The following LINGO2 variants were observed in gnomAD, a reference collection of about 807,000 sequenced individuals.
The protein encoded by LINGO2 is leucine-rich repeat and immunoglobulin-like domain-containing nogo receptor-interacting protein 2.
Under a neutral mutation model 30.6 loss-of-function variants are expected in LINGO2, and 14 were observed. That is an observed-to-expected ratio of 0.46 (90% confidence interval 0.30 to 0.72). LINGO2 has a LOEUF of 0.72. LINGO2 is among the 30% of genes least tolerant of loss of function. The pLI is 0.07. For missense variants in LINGO2, 729 were observed against 751.7 expected (o/e 0.97, Z 0.35); for synonymous variants, 317 against 288.5 (o/e 1.10, Z -1.00).
At chr9:29,077,078 G>T in the LINGO2 span, among the ~76,000 whole-genome samples, 2 of 151,722 alleles carry the variant, frequency 1.3e-5, no homozygotes, top group Non-Finnish European at 2.9e-5. Flanking sequence ...ATAAGGAAAT[G>T]GCAAACAAAC....
intron 3 of LINGO2, among the ~76,000 whole-genome samples, chr9:28,327,440 T>C (rs528445836): frequency 6.6e-6 from 1 of 152,336 alleles, no homozygotes; most frequent in African/African-American, 2.4e-5. Context: ...GAATGGCTTT[T>C]TCAAGCTCAT....
At chr9:28,485,550 T>C (rs1015142997) in intron 1 of LINGO2, among the ~76,000 whole-genome samples, 1 of 152,048 alleles carries the variant, frequency 6.6e-6, no homozygotes, top group African/African-American at 2.4e-5. Flanking sequence ...TCATGAAGGA[T>C]ATATAAGGAG....
At chr9:28,590,216 AG>A (rs1282173647) in intron 1 of LINGO2, among the ~76,000 whole-genome samples, 2 of 152,156 alleles carry the variant, frequency 1.3e-5, no homozygotes, top group Non-Finnish European at 1.5e-5. Flanking sequence ...AAGAAAACCT[AG>A]GCAATACCAT....
chr9:29,087,049 G>C, the LINGO2 span, among the ~76,000 whole-genome samples: 1 of 152,012 alleles, frequency 6.6e-6, no homozygotes, highest in Admixed American at 6.6e-5. Flanking sequence ...TTAATTTTTT[G>C]TATTTTTAGT....
At chr9:28,610,603 T>C (rs1825874535) in intron 1 of LINGO2, among the ~76,000 whole-genome samples, 1 of 152,190 alleles carries the variant, frequency 6.6e-6, no homozygotes, top group Non-Finnish European at 1.5e-5. Context: ...GGTTTCATCG[T>C]GAAAGCAGAG....
the LINGO2 span, among the ~76,000 whole-genome samples, chr9:28,783,163 T>C: frequency 2.9e-3 from 447 of 152,282 alleles, 1 homozygote; most frequent in African/African-American, 0.01. Flanking sequence ...TAAGCTAAGA[T>C]GTGTTGAAGG....
chr9:28,922,472 G>C, the LINGO2 span, among the ~76,000 whole-genome samples: 1 of 152,084 alleles, frequency 6.6e-6, no homozygotes, highest in South Asian at 2.1e-4. Flanking sequence ...CTTGCTCAAT[G>C]GATATCCACT....
At chr9:28,223,159 C>A (rs1258410031) in intron 4 of LINGO2, among the ~76,000 whole-genome samples, 1 of 152,148 alleles carries the variant, frequency 6.6e-6, no homozygotes, top group Non-Finnish European at 1.5e-5. Context: ...TCCATTTGTG[C>A]TTCTGTAACA....
intron 4 of LINGO2, among the ~76,000 whole-genome samples, chr9:28,015,974 G>A (rs973305853): frequency 1.0e-4 from 13 of 125,736 alleles, no homozygotes; most frequent in East Asian, 2.2e-4. Context: ...CTAACTAACC[G>A]TTATGAAGGA....
chr9:28,886,533 A>C, the LINGO2 span, among the ~76,000 whole-genome samples: 6 of 152,166 alleles, frequency 3.9e-5, no homozygotes, highest in Admixed American at 2.0e-4. Flanking sequence ...TCCAGGAAAG[A>C]GTATGGGCCA....
intron 2 of LINGO2, among the ~76,000 whole-genome samples, chr9:28,375,089 A>AACACACACACACAC (rs137914726): frequency 2.1e-5 from 3 of 141,732 alleles, no homozygotes; most frequent in Non-Finnish European, 4.6e-5. Context: ...CACACCCCTT[A>AACACACACACACAC]ACACACACAC....
intron 4 of LINGO2, among the ~76,000 whole-genome samples, chr9:28,022,308 ACT>A (rs1823167662): frequency 1.3e-5 from 2 of 152,096 alleles, no homozygotes; most frequent in African/African-American, 4.8e-5. Flanking sequence ...TTCTATAATC[ACT>A]CAATACATCA....
At chr9:28,070,526 G>C (rs1303889283) in intron 4 of LINGO2, among the ~76,000 whole-genome samples, 1 of 151,944 alleles carries the variant, frequency 6.6e-6, no homozygotes, top group African/African-American at 2.4e-5. Flanking sequence ...ATAATGCTAG[G>C]GAGTGATACT....
the LINGO2 span, among the ~76,000 whole-genome samples, chr9:28,918,791 GAAACA>G: frequency 1.3e-5 from 2 of 151,820 alleles, no homozygotes; most frequent in African/African-American, 4.8e-5. Context: ...AGAAAAACAT[GAAACA>G]AAACAACAAA....
At chr9:28,134,261 T>C (rs1479452237) in intron 4 of LINGO2, among the ~76,000 whole-genome samples, 1 of 152,160 alleles carries the variant, frequency 6.6e-6, no homozygotes, top group Admixed American at 6.5e-5. Context: ...ATTAAAAATA[T>C]AGAGAAAGAG....
intron 4 of LINGO2, among the ~76,000 whole-genome samples, chr9:28,199,343 T>TTTCTTCCTC (rs1564036486): frequency 1.6e-5 from 2 of 128,792 alleles, no homozygotes; most frequent in African/African-American, 2.7e-5. Flanking sequence ...TTCTTCTTCT[T>TTTCTTCCTC]CTTTTTTTTT....
chr9:28,809,745 CA>C, the LINGO2 span, among the ~76,000 whole-genome samples: 91 of 96,448 alleles, frequency 9.4e-4, no homozygotes, highest in African/African-American at 1.7e-3. Flanking sequence ...GACTCTGTCT[CA>C]AAAAAAAAAA....
chr9:28,492,715 C>A (rs1030004054), intron 1 of LINGO2, among the ~76,000 whole-genome samples: 1 of 152,068 alleles, frequency 6.6e-6, no homozygotes, highest in Non-Finnish European at 1.5e-5. Context: ...GAATTCCAAC[C>A]AGCATCTAGA....
chr9:28,125,854 C>T (rs1468339988), intron 4 of LINGO2, among the ~76,000 whole-genome samples: 2 of 152,190 alleles, frequency 1.3e-5, no homozygotes, highest in African/African-American at 4.8e-5. Context: ...TCCAGAGGTT[C>T]AGTTTTTACA....
Sources: allele counts gnomAD v4.1 joint callset (sites outside exome capture counted in the v4.1 genomes callset), GRCh38; gene constraint gnomAD v4.1.1; transcripts MANE v1.5; gene names NCBI Gene and HGNC (gene_info 2026-07-23, HGNC 2026-07-21).